Variants in ZNF804B observed in about 807,000 individuals in gnomAD.
ZNF804B encodes zinc finger protein 804B.
ZNF804B carries 80 observed loss-of-function variants against 101.4 expected under a neutral mutation model. That is an observed-to-expected ratio of 0.79 (90% CI 0.66 to 0.95). The LOEUF (loss-of-function observed/expected upper bound fraction) is 0.95, where lower values mean the gene tolerates loss of function less well. Among genes scored for constraint, ZNF804B ranks in the 40% least tolerant of loss-of-function variants. ZNF804B has a pLI of 0.00. For synonymous variants in ZNF804B, 622 were observed against 558.8 expected (o/e 1.11, Z -1.59); for missense variants, 1,673 against 1,561.9 (o/e 1.07, Z -1.20).
At chr7:88,905,509 C>T (rs1792456542) in intron 1 of ZNF804B, among the ~76,000 whole-genome samples, 1 of 152,078 alleles carries the variant, frequency 6.6e-6, no homozygotes, top group South Asian at 2.1e-4. Flanking sequence ...AGGCATCTGC[C>T]ACCATCCCTG....
intron 1 of ZNF804B, among the ~76,000 whole-genome samples, chr7:88,922,735 T>A (rs1019939498): frequency 6.6e-6 from 1 of 152,028 alleles, no homozygotes; most frequent in Non-Finnish European, 1.5e-5. Flanking sequence ...TATTATGTAA[T>A]TTTGATTTTC....
chr7:88,855,700 A>G (rs1791544918), intron 1 of ZNF804B, among the ~76,000 whole-genome samples: 1 of 152,276 alleles, frequency 6.6e-6, no homozygotes, highest in African/African-American at 2.4e-5. Context: ...CCTGAATGGT[A>G]TTGCCTAGGT....
intron 1 of ZNF804B, among the ~76,000 whole-genome samples, chr7:88,863,522 AT>A (rs1240606588): frequency 1.3e-5 from 2 of 152,072 alleles, no homozygotes; most frequent in African/African-American, 2.4e-5. Context: ...AAGAAGCCCT[AT>A]TTTTTTTAAC....
chr7:89,018,162 T>C (rs1788601393), intron 1 of ZNF804B, among the ~76,000 whole-genome samples: 1 of 152,172 alleles, frequency 6.6e-6, no homozygotes, highest in Non-Finnish European at 1.5e-5. Flanking sequence ...TCATCATACA[T>C]GAACTTTATT....
At chr7:89,319,997 A>T (rs1226685718) in intron 2 of ZNF804B, among the ~76,000 whole-genome samples, 4 of 151,126 alleles carry the variant, frequency 2.6e-5, no homozygotes, top group Non-Finnish European at 4.4e-5. Flanking sequence ...AGTCAAGAAC[A>T]TATTGCTCAT....
chr7:88,837,828 C>T (rs1443580565), intron 1 of ZNF804B, among the ~76,000 whole-genome samples: 7 of 151,840 alleles, frequency 4.6e-5, no homozygotes, highest in East Asian at 3.9e-4. Flanking sequence ...AGCTGACTTT[C>T]GATGGCCATC....
intron 1 of ZNF804B, among the ~76,000 whole-genome samples, chr7:89,140,827 C>A (rs1790705864): frequency 6.6e-6 from 1 of 151,408 alleles, no homozygotes; most frequent in African/African-American, 2.4e-5. Context: ...TTTTAATTTT[C>A]TTCAATAATT....
chr7:89,178,846 A>G (rs940374649), intron 1 of ZNF804B, among the ~76,000 whole-genome samples: 3 of 152,122 alleles, frequency 2.0e-5, no homozygotes, highest in African/African-American at 7.2e-5. Context: ...TTCCTGCAGA[A>G]CAGGTCTCCT....
chr7:88,874,675 C>T (rs377299592), intron 1 of ZNF804B, among the ~76,000 whole-genome samples: 12 of 152,020 alleles, frequency 7.9e-5, no homozygotes, highest in South Asian at 2.1e-4. Flanking sequence ...GAGTTTTTAG[C>T]ATGAAGGGCT....
chr7:88,893,131 G>T (rs1465511308), intron 1 of ZNF804B, among the ~76,000 whole-genome samples: 1 of 151,940 alleles, frequency 6.6e-6, no homozygotes, highest in African/African-American at 2.4e-5. Context: ...CCTAAATCTA[G>T]GTCAACAGCT....
At chr7:89,277,781 G>C (rs561331484) in intron 2 of ZNF804B, among the ~76,000 whole-genome samples, 164 of 151,842 alleles carry the variant, frequency 1.1e-3, no homozygotes, top group African/African-American at 3.6e-3. Flanking sequence ...CCAAGTCTTT[G>C]CTACTGTTAA....
chr7:89,219,563 T>C (rs577720931), intron 2 of ZNF804B, among the ~76,000 whole-genome samples: 1 of 151,736 alleles, frequency 6.6e-6, no homozygotes, highest in East Asian at 1.9e-4. Flanking sequence ...AGGCTATTGT[T>C]CTCATCTGGT....
chr7:88,960,288 C>T (rs1297575090), intron 1 of ZNF804B, among the ~76,000 whole-genome samples: 1 of 151,286 alleles, frequency 6.6e-6, no homozygotes, highest in African/African-American at 2.4e-5. Context: ...AATGCTCAGT[C>T]TACTGGTTGG....
intron 2 of ZNF804B, among the ~76,000 whole-genome samples, chr7:89,291,157 A>G (rs2115896804): frequency 6.6e-6 from 1 of 152,292 alleles, no homozygotes; most frequent in East Asian, 1.9e-4. Context: ...CTTCCCAAGA[A>G]GGGCAGGTAT....
chr7:88,919,182 T>C (rs2115993306), intron 1 of ZNF804B, among the ~76,000 whole-genome samples: 1 of 152,238 alleles, frequency 6.6e-6, no homozygotes, highest in South Asian at 2.1e-4. Context: ...TGGGGTGTCT[T>C]GGATAGAGCT....
chr7:88,825,720 C>A (rs1791042592), intron 1 of ZNF804B, among the ~76,000 whole-genome samples: 1 of 152,148 alleles, frequency 6.6e-6, no homozygotes, highest in South Asian at 2.1e-4. Context: ...TCTTTCCCAG[C>A]ACTTTGAATT....
chr7:88,923,479 GT>G (rs1792753587), intron 1 of ZNF804B, among the ~76,000 whole-genome samples: 1 of 152,078 alleles, frequency 6.6e-6, no homozygotes, highest in African/African-American at 2.4e-5. Flanking sequence ...TGAAGACTGT[GT>G]TTATCAAAGA....
chr7:88,922,908 GA>G (rs1792742394), intron 1 of ZNF804B, among the ~76,000 whole-genome samples: 3 of 151,470 alleles, frequency 2.0e-5, no homozygotes. Flanking sequence ...TCTAAAATTG[GA>G]AAAATATATT....
intron 1 of ZNF804B, among the ~76,000 whole-genome samples, chr7:89,016,189 T>C (rs1220848046): frequency 2.0e-5 from 3 of 152,098 alleles, no homozygotes; most frequent in Non-Finnish European, 4.4e-5. Context: ...GGGTTGTTTG[T>C]TTTTTTCTTG....
Sources: gnomAD v4.1 joint callset for allele counts (sites outside exome capture counted in the v4.1 genomes callset) on GRCh38, gnomAD v4.1.1 for gene constraint, MANE v1.5 for transcripts, NCBI Gene and HGNC (gene_info 2026-07-23, HGNC 2026-07-21) for gene names.